Variants in RBFOX1 observed in about 807,000 individuals in gnomAD.
RBFOX1 encodes RNA binding fox-1 homolog 1.
A neutral mutation model predicts 57.7 loss-of-function variants in RBFOX1; 8 were observed. The observed-to-expected ratio is 0.14, with a 90% CI of 0.08 to 0.25. The LOEUF (loss-of-function observed/expected upper bound fraction) is 0.25, where lower values mean the gene tolerates loss of function less well. Ranked by LOEUF, RBFOX1 falls within the 10% of genes least tolerant of loss-of-function variation. The probability of loss-of-function intolerance (pLI) is 1.00; values close to 1 mark genes in which losing one functional copy is unlikely to be tolerated. For synonymous variants in RBFOX1, 326 were observed against 222.4 expected, an observed-to-expected ratio of 1.47 and a Z score of -4.15; for missense variants, 611 against 548.5, an observed-to-expected ratio of 1.11 and a Z score of -1.14.
intron 3 of RBFOX1, among the ~76,000 whole-genome samples, chr16:6,675,418 C>T (rs1434553502): frequency 1.3e-5 from 2 of 152,024 alleles, no homozygotes; most frequent in African/African-American, 2.4e-5. Context: ...TCTTCCCAAG[C>T]AGAGCAAACT....
At chr16:6,670,683 T>C (rs1281088223) in intron 3 of RBFOX1, among the ~76,000 whole-genome samples, 1 of 152,142 alleles carries the variant, frequency 6.6e-6, no homozygotes, top group Non-Finnish European at 1.5e-5. Flanking sequence ...TTTTCCCATA[T>C]TGGTGATGTT....
rs189565324 is a variant in RBFOX1, at chr16:5,387,489, G to A, written c.220-79727G>A. Among the ~76,000 whole-genome samples, 3 of 152,288 alleles carry A rather than the reference G, an allele frequency of 2.0e-5. No homozygotes were observed. The East Asian group carries it at 5.8e-4, about 29-fold the overall frequency. ...GCCCAGTGTGGCTACTGCTGCTCCAGTTATCACATCTGAGTTTGAGATAGT... is the reference window on the plus strand; with the variant it reads ...GCCCAGTGTGGCTACTGCTGCTCCAATTATCACATCTGAGTTTGAGATAGT... On this transcript the variant is annotated intron_variant, in intron 1 of 2. Coordinates refer to the RBFOX1 transcript ENST00000585867.
At chr16:6,824,552 A>T (rs2091851285) in intron 3 of RBFOX1, among the ~76,000 whole-genome samples, 2 of 144,294 alleles carry the variant, frequency 1.4e-5, no homozygotes, top group Admixed American at 1.3e-4. Flanking sequence ...TATTTTTCTT[A>T]ATAATAATCA....
intron 3 of RBFOX1, among the ~76,000 whole-genome samples, chr16:6,656,073 C>A (rs2098648926): frequency 6.6e-6 from 1 of 152,144 alleles, no homozygotes; most frequent in African/African-American, 2.4e-5. Context: ...TGTTTGCATT[C>A]ACCATGTGTT....
At chr16:6,748,130 C>T (rs1003004380) in intron 3 of RBFOX1, among the ~76,000 whole-genome samples, 4 of 151,614 alleles carry the variant, frequency 2.6e-5, no homozygotes, top group African/African-American at 4.8e-5. Flanking sequence ...CATTTTTTTT[C>T]CTAGCGTTAT....
chr16:5,902,742 C>A (rs2058335614), intron 4 of RBFOX1, among the ~76,000 whole-genome samples: 1 of 152,034 alleles, frequency 6.6e-6, no homozygotes, highest in African/African-American at 2.4e-5. Context: ...GACAAGAAGC[C>A]TTCATCAATC....
chr16:5,704,390 G>C (rs555141993), intron 3 of RBFOX1, among the ~76,000 whole-genome samples: 2 of 152,198 alleles, frequency 1.3e-5, no homozygotes, highest in East Asian at 1.9e-4. Flanking sequence ...TGGGGGTCTG[G>C]GGGTCGCCAC....
chr16:7,638,139 G>A (rs1323555575), intron 11 of RBFOX1, among the ~76,000 whole-genome samples: 1 of 152,114 alleles, frequency 6.6e-6, no homozygotes, highest in Non-Finnish European at 1.5e-5. Flanking sequence ...CAACGACAGT[G>A]AACGCCTGTT....
At chr16:6,294,621 G>A (rs11863506) in intron 1 of RBFOX1, among the ~76,000 whole-genome samples, 23,894 of 152,178 alleles carry the variant, frequency 0.16, 2,070 homozygotes, top group Non-Finnish European at 0.17. Context: ...TGAGCCCTCT[G>A]TGAGATCCTA....
intron 2 of RBFOX1, among the ~76,000 whole-genome samples, chr16:5,531,689 C>T (rs1019104164): frequency 1.3e-5 from 2 of 152,118 alleles, no homozygotes; most frequent in African/African-American, 4.8e-5. Flanking sequence ...GTTTAAGGTA[C>T]TCAAAGCAGT....
intron 4 of RBFOX1, among the ~76,000 whole-genome samples, chr16:7,109,608 C>A: frequency 6.6e-6 from 1 of 151,974 alleles, no homozygotes; most frequent in East Asian, 1.9e-4. Context: ...GATCACAAGC[C>A]CAGTTTTAGG....
intron 4 of RBFOX1, among the ~76,000 whole-genome samples, chr16:5,904,288 T>C (rs1438015183): frequency 6.6e-6 from 1 of 152,090 alleles, no homozygotes; most frequent in Non-Finnish European, 1.5e-5. Flanking sequence ...TGCATGCCAC[T>C]TTACCTTGTA....
At chr16:6,307,798 A>G (rs1236507926) in intron 1 of RBFOX1, among the ~76,000 whole-genome samples, 1 of 146,898 alleles carries the variant, frequency 6.8e-6, no homozygotes, top group African/African-American at 2.5e-5. Context: ...ATTGTTATTT[A>G]CATATTTGTA....
chr16:6,753,424 A>C (rs4786926), intron 3 of RBFOX1, among the ~76,000 whole-genome samples: 3 of 152,080 alleles, frequency 2.0e-5, no homozygotes, highest in Non-Finnish European at 4.4e-5. Context: ...ATTAATATCT[A>C]TTCTTTTATT....
At position 6,226,374 on chromosome 16, in the gene RBFOX1, C is replaced by CAAAAA. The variant is rs368116983; in HGVS notation, c.-126-90608_-126-90604dup. Among the ~76,000 whole-genome samples, 55 of 86,462 alleles carry CAAAAA rather than the reference C, an allele frequency of 6.4e-4. 1 individual carries two copies. Among genetic ancestry groups the CAAAAA allele is most frequent in the Non-Finnish European group, 7.4e-4 (36 of 48,724 alleles). The allele number at this position is 86,462 out of a possible 152,430, so 56.7% of individuals were successfully genotyped here. ...GGCAACAAGAGTGAAACTCTGTCTC[C>CAAAAA]AAAAAAAAAAAAAAAAACAAAAAAA... On this transcript the variant is annotated intron_variant, in intron 1 of 15. Transcript: ENST00000550418.
intron 3 of RBFOX1, among the ~76,000 whole-genome samples, chr16:6,791,870 C>T (rs927210403): frequency 6.6e-6 from 1 of 152,160 alleles, no homozygotes; most frequent in Admixed American, 6.5e-5. Flanking sequence ...TATTAAGTAA[C>T]TCTTGTTTAA....
chr16:6,223,690 A>G (rs529727295), intron 1 of RBFOX1, among the ~76,000 whole-genome samples: 3 of 152,274 alleles, frequency 2.0e-5, no homozygotes, highest in Admixed American at 6.5e-5. Context: ...TGCTATGCAG[A>G]AGCTCTTTAG....
chr16:7,445,468 G>A (rs1029574190), intron 4 of RBFOX1, among the ~76,000 whole-genome samples: 1 of 152,260 alleles, frequency 6.6e-6, no homozygotes, highest in Admixed American at 6.5e-5. Flanking sequence ...TTTGAAAGTG[G>A]AAGAGGCCCA....
At chr16:6,996,019 C>G (rs890451098) in intron 3 of RBFOX1, among the ~76,000 whole-genome samples, 3 of 152,200 alleles carry the variant, frequency 2.0e-5, no homozygotes, top group Admixed American at 1.3e-4. Flanking sequence ...ATCTAAACTT[C>G]TCAACTTACC....
Sources: gnomAD v4.1 joint callset for allele counts (sites outside exome capture counted in the v4.1 genomes callset) on GRCh38, gnomAD v4.1.1 for gene constraint, MANE v1.5 for transcripts, NCBI Gene and HGNC (gene_info 2026-07-23, HGNC 2026-07-21) for gene names.